The following WDFY4 variants were observed in gnomAD, a reference collection of about 807,000 sequenced individuals.
WDFY4 encodes WDFY family member 4, also known as WD repeat- and FYVE domain-containing protein 4.
In WDFY4, 169 loss-of-function variants were observed where a neutral mutation model predicts 351.9. The observed-to-expected ratio is 0.48, with a 90% CI of 0.42 to 0.55. The LOEUF is 0.55. Ranked by LOEUF, WDFY4 falls within the 20% of genes least tolerant of loss-of-function variation. WDFY4 has a pLI of 0.00. For missense variants in WDFY4, 3,803 were observed against 3,935.6 expected, an observed-to-expected ratio of 0.97 and a Z score of 0.90; for synonymous variants, 1,622 against 1,574.6, an observed-to-expected ratio of 1.03 and a Z score of -0.71.
At chr10:48,795,512 T>C (rs1315026815) in intron 23 of WDFY4, among the ~76,000 whole-genome samples, 5 of 100,372 alleles carry the variant, frequency 5.0e-5, no homozygotes. Flanking sequence ...TATATATATA[T>C]ATATATATAT....
At chr10:48,902,807 A>G (rs1317679958) in intron 47 of WDFY4, among the ~76,000 whole-genome samples, 2 of 152,078 alleles carry the variant, frequency 1.3e-5, no homozygotes, top group African/African-American at 4.8e-5. Context: ...TATCAAGAAA[A>G]CAATCTTTGA....
intron 26 of WDFY4, 35 bp downstream of exon 26, chr10:48,805,456 G>T: frequency 6.5e-7 from 1 of 1,539,700 alleles, no homozygotes; most frequent in Non-Finnish European, 8.7e-7. Flanking sequence ...GAAGAGCAGG[G>T]CCCCAGGGCT....
chr10:48,914,825 T>G (rs1400041896), intron 47 of WDFY4, among the ~76,000 whole-genome samples: 1 of 152,176 alleles, frequency 6.6e-6, no homozygotes, highest in African/African-American at 2.4e-5. Flanking sequence ...GGTGTGCCAT[T>G]GCTGGGCCCA....
At chr10:48,775,180 C>T (rs2132621557) in intron 14 of WDFY4, among the ~76,000 whole-genome samples, 1 of 152,258 alleles carries the variant, frequency 6.6e-6, no homozygotes. Context: ...TGCAAAGGTG[C>T]ACAGGGTGGG....
intron 19 of WDFY4, 62 bp downstream of exon 19, chr10:48,780,181 G>T (rs918824493): frequency 9.8e-6 from 15 of 1,525,704 alleles, no homozygotes; most frequent in Non-Finnish European, 1.3e-5. Context: ...CTACCCTGAA[G>T]TGGCCTCGGT....
chr10:48,941,289 CA>C (rs1019559024), intron 47 of WDFY4, among the ~76,000 whole-genome samples: 2 of 151,948 alleles, frequency 1.3e-5, no homozygotes, highest in South Asian at 2.1e-4. Context: ...AAACAAACAA[CA>C]AAAAAAACTA....
intron 61 of WDFY4, 86 bp from the exon 62 acceptor site, chr10:48,982,423 G>A: frequency 8.1e-7 from 1 of 1,229,002 alleles, no homozygotes; most frequent in South Asian, 1.6e-5. Context: ...CCCAGATAGA[G>A]CCCCAGAGTT....
intron 55 of WDFY4, chr10:48,968,719 C>G (rs945808779): frequency 3.5e-6 from 1 of 284,388 alleles, no homozygotes; most frequent in African/African-American, 2.1e-5. Context: ...CCAGCATAAC[C>G]AGACTTGGAA....
At chr10:48,898,920 G>A (rs1402879886) in intron 45 of WDFY4, among the ~76,000 whole-genome samples, 1 of 152,152 alleles carries the variant, frequency 6.6e-6, no homozygotes, top group Non-Finnish European at 1.5e-5. Flanking sequence ...TTGCCCTTCA[G>A]TGAGCGGGAG....
chr10:48,768,121 C>T (rs1275200606), intron 13 of WDFY4, among the ~76,000 whole-genome samples: 1 of 152,146 alleles, frequency 6.6e-6, no homozygotes, highest in Non-Finnish European at 1.5e-5. Context: ...GGAGGGTAGT[C>T]CTGTCATCTG....
At chr10:48,811,816 C>CACCCCA in intron 30 of WDFY4, 108 bp downstream of exon 30, 2 of 1,201,010 alleles carry the variant, frequency 1.7e-6, no homozygotes, top group Non-Finnish European at 2.3e-6. Context: ...CTTCTTCCAG[C>CACCCCA]TCAGATGGGG....
intron 54 of WDFY4, among the ~76,000 whole-genome samples, chr10:48,964,546 TAACAGCAGTC>T (rs1350356404): frequency 6.6e-6 from 1 of 152,228 alleles, no homozygotes. Context: ...AGAATTACAC[TAACAGCAGTC>T]AACAGAGGTA....
At chr10:48,969,426 G>A (rs1428439119) in intron 56 of WDFY4, among the ~76,000 whole-genome samples, 178 bp downstream of exon 56, 1 of 152,150 alleles carries the variant, frequency 6.6e-6, no homozygotes, top group Non-Finnish European at 1.5e-5. Flanking sequence ...TCCTTGGGCC[G>A]GGCCTCAAAC....
chr10:48,940,498 T>C (rs1840696267), intron 47 of WDFY4, among the ~76,000 whole-genome samples: 1 of 152,210 alleles, frequency 6.6e-6, no homozygotes, highest in Admixed American at 6.5e-5. Flanking sequence ...GAAGCAGCAC[T>C]GTCCCCCTGG....
At chr10:48,887,202 G>T (rs547944384) in intron 43 of WDFY4, among the ~76,000 whole-genome samples, 1 of 152,390 alleles carries the variant, frequency 6.6e-6, no homozygotes, top group South Asian at 2.1e-4. Flanking sequence ...GGAGGCTGTG[G>T]TGGGGGCCTG....
intron 2 of WDFY4, among the ~76,000 whole-genome samples, chr10:48,716,099 T>G (rs567097419): frequency 6.6e-6 from 1 of 152,260 alleles, no homozygotes; most frequent in South Asian, 2.1e-4. Flanking sequence ...AGCAAAGTTT[T>G]GATGCGCCAT....
At chr10:48,691,447 C>A (rs1428949963) in intron 1 of WDFY4, among the ~76,000 whole-genome samples, 1 of 152,174 alleles carries the variant, frequency 6.6e-6, no homozygotes, top group Non-Finnish European at 1.5e-5. Flanking sequence ...CCATGCTGCT[C>A]TCCTGTCACG....
At chr10:48,832,062 G>A (rs2068208844) in intron 38 of WDFY4, among the ~76,000 whole-genome samples, 1 of 152,202 alleles carries the variant, frequency 6.6e-6, no homozygotes, top group South Asian at 2.1e-4. Flanking sequence ...AAGTCAAAAT[G>A]TCAGATTCTA....
intron 40 of WDFY4, among the ~76,000 whole-genome samples, chr10:48,868,515 T>G (rs2069638089): frequency 6.6e-6 from 1 of 152,224 alleles, no homozygotes; most frequent in Non-Finnish European, 1.5e-5. Context: ...GGTGTCTTGC[T>G]GGCCTATATG....
Sources: gnomAD v4.1 joint callset for allele counts (sites outside exome capture counted in the v4.1 genomes callset) on GRCh38, gnomAD v4.1.1 for gene constraint, MANE v1.5 for transcripts, NCBI Gene and HGNC (gene_info 2026-07-23, HGNC 2026-07-21) for gene names.